Variants in NAALADL2 observed in about 807,000 individuals in gnomAD.
NAALADL2 encodes inactive N-acetylated-alpha-linked acidic dipeptidase-like protein 2.
A neutral mutation model predicts 87.2 loss-of-function variants in NAALADL2; 76 were observed. The ratio of observed to expected loss-of-function variants is 0.87; its 90% CI spans 0.72 to 1.05. The LOEUF (loss-of-function observed/expected upper bound fraction) is 1.05. Among genes scored for constraint, NAALADL2 ranks in the 50% least tolerant of loss-of-function variants. NAALADL2 has a pLI of 0.00. For synonymous variants in NAALADL2, 354 were observed against 331.0 expected (o/e 1.07, Z -0.75); for missense variants, 1,089 against 945.8 (o/e 1.15, Z -1.99).
At chr3:175,034,118 G>T (rs1753115923) in intron 1 of NAALADL2, among the ~76,000 whole-genome samples, 2 of 151,854 alleles carry the variant, frequency 1.3e-5, no homozygotes, top group Admixed American at 6.6e-5. Flanking sequence ...AATCTTGTTG[G>T]TTTTCCTTTT....
chr3:175,795,078 G>A (rs980308471), intron 13 of NAALADL2, among the ~76,000 whole-genome samples: 4 of 152,066 alleles, frequency 2.6e-5, no homozygotes, highest in African/African-American at 4.8e-5. Flanking sequence ...CCTCATGACC[G>A]TATCCAAACT....
intron 1 of NAALADL2, among the ~76,000 whole-genome samples, chr3:175,000,962 C>T (rs1748148442): frequency 6.6e-6 from 1 of 152,158 alleles, no homozygotes; most frequent in Non-Finnish European, 1.5e-5. Context: ...ACAGAAATGA[C>T]CTTTAAAACA....
At chr3:175,718,429 G>T in intron 11 of NAALADL2, 1 of 1,584,786 alleles carries the variant, frequency 6.3e-7, no homozygotes, top group South Asian at 1.1e-5. Context: ...ATCTTAAAAA[G>T]GGGGGTGCTT....
At chr3:174,924,396 CT>C (rs1735679653) in intron 1 of NAALADL2, among the ~76,000 whole-genome samples, 1 of 151,938 alleles carries the variant, frequency 6.6e-6, no homozygotes, top group Non-Finnish European at 1.5e-5. Flanking sequence ...CGAACTCATC[CT>C]TTTTTATGGC....
At chr3:175,120,899 A>G (rs1726050988) in intron 2 of NAALADL2, among the ~76,000 whole-genome samples, 2 of 151,826 alleles carry the variant, frequency 1.3e-5, no homozygotes, top group Admixed American at 6.6e-5. Context: ...CTAATAAGAA[A>G]TCAATCATTC....
At chr3:175,797,579 C>G (rs899108130) in intron 13 of NAALADL2, among the ~76,000 whole-genome samples, 6 of 152,054 alleles carry the variant, frequency 3.9e-5, no homozygotes, top group African/African-American at 1.4e-4. Flanking sequence ...CACTTTCTTT[C>G]CACTGTATTT....
intron 2 of NAALADL2, among the ~76,000 whole-genome samples, chr3:174,674,440 T>A (rs1009659324): frequency 1.3e-4 from 20 of 152,000 alleles, no homozygotes; most frequent in African/African-American, 4.6e-4. Flanking sequence ...ATTGAAAACC[T>A]ACAAATACTG....
At chr3:175,487,899 T>C (rs2149336447) in intron 9 of NAALADL2, among the ~76,000 whole-genome samples, 1 of 152,314 alleles carries the variant, frequency 6.6e-6, no homozygotes, top group Non-Finnish European at 1.5e-5. Context: ...AATTATTTCC[T>C]TTACTGTATA....
At chr3:175,576,962 G>A (rs1718998050) in intron 10 of NAALADL2, among the ~76,000 whole-genome samples, 1 of 152,080 alleles carries the variant, frequency 6.6e-6, no homozygotes, top group East Asian at 1.9e-4. Context: ...CAGAAGGGGT[G>A]CTTAAATTAT....
chr3:174,491,560 A>G (rs1291488378), intron 1 of NAALADL2, among the ~76,000 whole-genome samples: 1 of 152,180 alleles, frequency 6.6e-6, no homozygotes, highest in African/African-American at 2.4e-5. Context: ...AATTAATTCA[A>G]TTTAGTATAT....
intron 5 of NAALADL2, among the ~76,000 whole-genome samples, chr3:175,325,339 G>A (rs780667530): frequency 4.6e-5 from 7 of 152,094 alleles, no homozygotes; most frequent in African/African-American, 7.2e-5. Flanking sequence ...TCTTCTATAT[G>A]CTACAAAAGT....
chr3:174,811,493 A>G (rs902032436), intron 3 of NAALADL2, among the ~76,000 whole-genome samples: 3 of 152,320 alleles, frequency 2.0e-5, no homozygotes, highest in Non-Finnish European at 4.4e-5. Context: ...TTGCACTTGC[A>G]TGGGGCATGC....
chr3:174,951,533 C>G (rs1394040436), intron 1 of NAALADL2, among the ~76,000 whole-genome samples: 1 of 152,026 alleles, frequency 6.6e-6, no homozygotes, highest in East Asian at 1.9e-4. Flanking sequence ...CCTTCTTTCT[C>G]TAAATCTTTT....
intron 2 of NAALADL2, among the ~76,000 whole-genome samples, chr3:174,635,907 C>T (rs1229207282): frequency 6.6e-6 from 1 of 152,086 alleles, no homozygotes; most frequent in Admixed American, 6.6e-5. Flanking sequence ...GAGAGATAGT[C>T]ATAGAAGGAT....
At chr3:175,801,828 C>T (rs1401588683) in intron 13 of NAALADL2, among the ~76,000 whole-genome samples, 1 of 152,062 alleles carries the variant, frequency 6.6e-6, no homozygotes, top group Non-Finnish European at 1.5e-5. Context: ...CTATTTGTAT[C>T]TATGAATGTA....
At chr3:175,302,603 G>C (rs1474054460) in intron 4 of NAALADL2, among the ~76,000 whole-genome samples, 2 of 152,018 alleles carry the variant, frequency 1.3e-5, no homozygotes, top group African/African-American at 2.4e-5. Context: ...TATTAAATAT[G>C]CTGTATTACT....
intron 2 of NAALADL2, among the ~76,000 whole-genome samples, chr3:174,699,397 CA>C (rs1432211569): frequency 3.7e-5 from 5 of 136,030 alleles, no homozygotes; most frequent in Non-Finnish European, 7.5e-5. Context: ...AAGGCTGAGG[CA>C]GGGGAGAATC....
At chr3:174,737,139 C>T (rs544755683) in intron 2 of NAALADL2, among the ~76,000 whole-genome samples, 1 of 152,202 alleles carries the variant, frequency 6.6e-6, no homozygotes, top group African/African-American at 2.4e-5. Context: ...CACGCCTCCC[C>T]TACTGTAGCC....
intron 2 of NAALADL2, among the ~76,000 whole-genome samples, chr3:174,690,833 A>G (rs1728507388): frequency 6.6e-6 from 1 of 152,156 alleles, no homozygotes. Flanking sequence ...GTACAAACCT[A>G]TGCCATAATT....
Sources: gnomAD v4.1 joint callset for allele counts (sites outside exome capture counted in the v4.1 genomes callset) on GRCh38, gnomAD v4.1.1 for gene constraint, MANE v1.5 for transcripts, NCBI Gene and HGNC (gene_info 2026-07-23, HGNC 2026-07-21) for gene names.